Variants in MORC2 observed in about 807,000 individuals in gnomAD.
The protein encoded by MORC2 is ATPase MORC2.
In MORC2, 30 loss-of-function variants were observed where a neutral mutation model predicts 136.0. The ratio of observed to expected loss-of-function variants is 0.22; its 90% CI spans 0.17 to 0.30. The LOEUF (loss-of-function observed/expected upper bound fraction) is 0.30. Among genes scored for constraint, MORC2 ranks in the 10% least tolerant of loss-of-function variants. The pLI is 1.00. For synonymous variants in MORC2, 439 were observed against 487.0 expected (o/e 0.90, Z 1.30); for missense variants, 922 against 1,333.1 (o/e 0.69, Z 4.80).
Position 30,935,261 on chromosome 22 carries a change from C to T in MORC2, c.1799G>A (p.Arg600Lys), listed in dbSNP as rs200774292. The stretch of plus-strand genomic sequence containing the variant: ...CCTGGACTTCACCTCAGTGGAAGGT[C>T]TGGTGGTCACTTCCAAGGGCAATTT... ...LKKLPLEVTT[R>K]PSTEEPVRRP... is the part of the protein sequence containing the mutation. The change falls in exon 18 of 26, where the codon AGA (arginine) becomes AAA (lysine). Residue 600 changes from arginine to lysine, a missense_variant. Around this residue, in one of 9 missense-constraint regions of MORC2, gnomAD observed 184 missense variants for 180.3 expected, o/e 1.02. Transcript: ENST00000397641. 15 of 1,613,554 alleles carry T rather than the reference C, an allele frequency of 9.3e-6. No individual in the cohort carries two copies. Among genetic ancestry groups the T allele is most frequent in the Non-Finnish European group, 1.3e-5 (15 of 1,179,866 alleles).
At chr22:30,967,383 T>C (rs1053944650) in intron 1 of MORC2, 11 of 986,818 alleles carry the variant, frequency 1.1e-5, no homozygotes, top group African/African-American at 1.0e-4. Flanking sequence ...TTCTTGAAAG[T>C]TGTCATTTAA....
chr22:30,938,435 A>C (rs1222275602), intron 12 of MORC2, among the ~76,000 whole-genome samples: 4 of 152,202 alleles, frequency 2.6e-5, no homozygotes, highest in Non-Finnish European at 5.9e-5. Flanking sequence ...GATGGTTGCC[A>C]AACCATTCAT....
At chr22:30,931,591 C>T (rs184451856) in intron 24 of MORC2, among the ~76,000 whole-genome samples, 1 of 152,290 alleles carries the variant, frequency 6.6e-6, no homozygotes, top group Non-Finnish European at 1.5e-5. Flanking sequence ...TTGCCTGGAC[C>T]CCACTCCCAG....
In MORC2 at chr22:30,967,867, C is replaced by A; in HGVS notation, c.23G>T (p.Ser8Ile). The A allele has an allele frequency of 6.4e-7, 1 of 1,551,142 alleles. No individual in the cohort carries two copies. Among genetic ancestry groups the A allele is most frequent in the Non-Finnish European group, 8.7e-7 (1 of 1,147,056 alleles). Residue 8 changes from serine to isoleucine, a missense_variant, in exon 1 of 26, where the codon AGT becomes ATT. Coordinates refer to ENST00000397641, the MANE Select transcript of MORC2 (RefSeq NM_001303256.3). ...AAAGGTTAGCTGAGCTCGATTCAGA[C>A]TGCTGTAATTTGTGAAAGCCATGAC... MAFTNYS[S>I]LNRAQLTFEY...
intron 24 of MORC2, among the ~76,000 whole-genome samples, chr22:30,930,718 T>C (rs1009257951): frequency 9.9e-5 from 15 of 152,190 alleles, no homozygotes; most frequent in African/African-American, 3.4e-4. Context: ...TCCATTCCCA[T>C]TGTCTTTTCT....
chr22:30,960,602 C>T (rs2041029478), intron 1 of MORC2, among the ~76,000 whole-genome samples: 1 of 151,856 alleles, frequency 6.6e-6, no homozygotes, highest in Admixed American at 6.6e-5. Flanking sequence ...AATTCTCCTG[C>T]TTCAGCCTCC....
chr22:30,940,088 T>G (rs750008112), intron 10 of MORC2, 47 bp from the exon 11 acceptor site: 5 of 1,581,112 alleles, frequency 3.2e-6, no homozygotes, highest in Non-Finnish European at 4.3e-6. Flanking sequence ...GGTTCAAAAC[T>G]CTTGGTCATC....
intron 1 of MORC2, among the ~76,000 whole-genome samples, chr22:30,965,089 A>G (rs1444653934): frequency 6.6e-6 from 1 of 152,264 alleles, no homozygotes; most frequent in African/African-American, 2.4e-5. Context: ...GAAACACTCA[A>G]GTCCAGGTTT....
Position 30,926,725 on chromosome 22 carries a change from C to A in MORC2, c.*78G>T. On this transcript the variant is annotated 3_prime_UTR_variant, in exon 26 of 26. Transcript: ENST00000397641. ...GTCAAACCAAGGTGCGACCACCAAC[C>A]CATGAATGAAGTCCCCTCCCCCTGC... The A allele has an allele frequency of 8.2e-7, 1 of 1,223,846 alleles. No individual in the cohort carries two copies. Among genetic ancestry groups the A allele is most frequent in the Non-Finnish European group, 1.2e-6 (1 of 848,894 alleles). The allele number at this position is 1,223,846 out of a possible 1,614,324, so 75.8% of individuals were successfully genotyped here.
rs375627441 is a variant in MORC2, at chr22:30,937,742, G to A, written c.1370-31C>T. ...AAGCAAACACCGATACATCATGTTA[G>A]GAGCCAGCCTCTCTCTCTCCCTACA... is the stretch of plus-strand genomic sequence containing the variant. On this transcript the variant is annotated intron_variant, in intron 14 of 25. Coordinates refer to ENST00000397641, the MANE Select transcript of MORC2 (RefSeq NM_001303256.3). This position sits in a 1 kb window ranked among gnomAD's most constrained non-coding sequence, Gnocchi z 4.7. 6.2e-7 allele frequency: 1 copy of A among 1,613,916 alleles called. No individual in the cohort carries two copies. The highest frequency in any genetic ancestry group is 1.3e-5 in the African/African-American group (1 of 74,886).
At position 30,932,594 on chromosome 22, in the gene MORC2, C is replaced by A. The variant is rs1555936530; in HGVS notation, c.2698G>T (p.Ala900Ser). 2 of 1,614,148 alleles carry A rather than the reference C, an allele frequency of 1.2e-6. No homozygotes were observed. Among genetic ancestry groups the A allele is most frequent in the Non-Finnish European group, 1.7e-6 (2 of 1,180,040 alleles). The change falls in exon 23 of 26, where the codon GCC becomes TCC. Residue 900 changes from alanine to serine, a missense_variant. This residue lies in a region of MORC2 where 263 missense variants were observed against 388.3 expected (regional missense o/e 0.68). Coordinates refer to ENST00000397641, the MANE Select transcript of MORC2 (RefSeq NM_001303256.3). The surrounding 1 kb of genome is among the most constrained non-coding windows in gnomAD (Gnocchi z 4.4). The stretch of plus-strand genomic sequence containing the variant: ...ATGGTCTCGTGATTGGTGCTCAGGG[C>A]AGTGGTGTCAGGCTCAATGCGGAGG... ...ECLRIEPDTT[A>S]LSTNHETIDL...
Position 30,938,861 on chromosome 22 carries a change from G to A in MORC2, c.1074-656C>T, listed in dbSNP as rs540767071. 2.0e-5 allele frequency among the ~76,000 whole-genome samples: 3 copies of A among 152,316 alleles called. No individual in the cohort carries two copies. In the South Asian group the frequency reaches 6.2e-4, roughly 32 times the overall value. On this transcript the variant is annotated intron_variant, in intron 12 of 25. Transcript: ENST00000397641. ...TGGGATTACAGGCGTGAGCCACCGT[G>A]CCCGGCCAATTATTATTATTTTAAA...
At position 30,938,094 on chromosome 22, in the gene MORC2, C is replaced by T; in HGVS notation, c.1185G>A (p.Glu395=). The T allele has an allele frequency of 1.2e-6, 2 of 1,614,138 alleles. No homozygotes were observed. The highest frequency in any genetic ancestry group is 1.7e-6 in the Non-Finnish European group (2 of 1,180,018). Residue 395 remains glutamate (E), a synonymous_variant, in exon 13 of 26, where the codon GAG becomes GAA. Coordinates refer to ENST00000397641, the MANE Select transcript of MORC2 (RefSeq NM_001303256.3). ...CCCCTTCCAGCTGTGGGCCCACTTT[C>T]TCATACATTTTGATCAGTCGGCTAC... ...YNCSRLIKMY[E]KVGPQLEGGM...
At chr22:30,933,634 G>T in intron 20 of MORC2, 114 bp from the exon 21 acceptor site, 1 of 1,061,740 alleles carries the variant, frequency 9.4e-7, no homozygotes, top group Non-Finnish European at 1.4e-6. Flanking sequence ...CTGTGCTACA[G>T]TTTAAATCAC....
chr22:30,933,288 C>A (rs1004449856), intron 21 of MORC2, among the ~76,000 whole-genome samples, 178 bp downstream of exon 21: 68 of 152,288 alleles, frequency 4.5e-4, no homozygotes, highest in African/African-American at 1.6e-3. Flanking sequence ...AAAATAACCA[C>A]AAAGGGGTGA....
intron 9 of MORC2, 54 bp from the exon 10 acceptor site, chr22:30,940,891 A>G: frequency 6.9e-7 from 1 of 1,447,518 alleles, no homozygotes; most frequent in Non-Finnish European, 9.7e-7. Flanking sequence ...GGCAGGTGGC[A>G]CACCCAAGCA....
At position 30,941,690 on chromosome 22, in the gene MORC2, T is replaced by A; in HGVS notation, c.699-132A>T. On this transcript the variant is annotated intron_variant, in intron 8 of 25. Transcript: ENST00000397641. This position sits in a 1 kb window ranked among gnomAD's most constrained non-coding sequence, Gnocchi z 4.6. The stretch of plus-strand genomic sequence containing the variant: ...GACTTCTGCTGCTGCCCTGAACTGG[T>A]GCTCCCTTAGTGTGAGCACCACATC... 1.5e-6 allele frequency: 2 copies of A among 1,350,558 alleles called. No individual in the cohort carries two copies. Among genetic ancestry groups the A allele is most frequent in the Non-Finnish European group, 2.0e-6 (2 of 995,280 alleles). The allele number at this position is 1,350,558 out of a possible 1,614,324, so 83.7% of individuals were successfully genotyped here.
intron 17 of MORC2, 26 bp downstream of exon 17, chr22:30,936,485 T>C (rs753490256): frequency 6.8e-6 from 11 of 1,613,128 alleles, no homozygotes; most frequent in Non-Finnish European, 8.5e-6. Context: ...CAGGCTGGCT[T>C]TGCCCACTGA....
chr22:30,937,544 G>A lies in MORC2; in HGVS notation c.1498+39C>T, dbSNP rs1195679393. The A allele has an allele frequency of 6.2e-7, 1 of 1,602,564 alleles. No individual in the cohort carries two copies. Among genetic ancestry groups the A allele is most frequent in the Admixed American group, 1.7e-5 (1 of 58,846 alleles). On this transcript the variant is annotated intron_variant, in intron 15 of 25. Transcript: ENST00000397641. The surrounding 1 kb of genome is among the most constrained non-coding windows in gnomAD (Gnocchi z 4.7). ...GATAGAGAAAAGAGGCTTGTGGGCT[G>A]ATGGAAATGAGTCGGGGGGGTCCAA...
Sources: gnomAD v4.1 joint callset for allele counts (sites outside exome capture counted in the v4.1 genomes callset) on GRCh38, gnomAD v4.1.1 for gene constraint, gnomAD v4.1.1 regional missense constraint, Gnocchi (gnomAD v3.1) non-coding constraint, MANE v1.5 for transcripts, NCBI Gene and HGNC (gene_info 2026-07-23, HGNC 2026-07-21) for gene names.